The following SMARCA4 variants were observed in gnomAD, a reference collection of about 807,000 sequenced individuals.
SMARCA4 encodes the protein SWI/SNF-related matrix-associated actin-dependent regulator of chromatin subfamily A member 4.
SMARCA4 carries 31 observed loss-of-function variants against 193.9 expected under a neutral mutation model. The ratio of observed to expected loss-of-function variants is 0.16; its 90% CI spans 0.12 to 0.22. The LOEUF is 0.22. SMARCA4 is among the 10% of genes least tolerant of loss of function. The probability of loss-of-function intolerance (pLI) is 1.00; values close to 1 mark genes in which losing one functional copy is unlikely to be tolerated. For missense variants in SMARCA4, 1,148 were observed against 2,296.0 expected, an observed-to-expected ratio of 0.50 and a Z score of 10.22; for synonymous variants, 942 against 933.1, an observed-to-expected ratio of 1.01 and a Z score of -0.17.
rs2089598362 is a variant in SMARCA4 at position 11,018,730 on chromosome 19, C to T, written c.2439-227C>T. ...ACTTCTCACTCTAAAGGGCCTTGCC[C>T]TCTTTTCCCAGTGGCCTCCCTTCTG... On this transcript the variant is annotated intron_variant, in intron 16 of 34. Transcript: ENST00000344626. The T allele has an allele frequency of 6.2e-6, 4 of 642,112 alleles. No individual in the cohort carries two copies. In the Admixed American group the frequency reaches 6.6e-5, roughly 11 times the overall value. The allele number at this position is 642,112 out of a possible 1,614,324, so 39.8% of individuals were successfully genotyped here.
In SMARCA4 at chr19:11,035,018, G is replaced by C. The variant is rs765686829; in HGVS notation, c.4056G>C (p.Ala1352=). The C allele has an allele frequency of 6.2e-7, 1 of 1,612,540 alleles. No individual in the cohort carries two copies. The highest frequency in any genetic ancestry group is 8.5e-7 in the Non-Finnish European group (1 of 1,179,700). ...CCTCGTGGATCATCAAGGACGACGC[G>C]GAGGTGGAGCGGCTGACCTGTGAGG... The part of the protein sequence containing the change: ...ELPSWIIKDD[A]EVERLTCEEE... Residue 1352 remains alanine, a synonymous_variant, in exon 29 of 35, where the codon GCG becomes GCC. Transcript: ENST00000344626.
chr19:10,962,332 A>G (rs575439346), intron 1 of SMARCA4, among the ~76,000 whole-genome samples: 79 of 152,042 alleles, frequency 5.2e-4, no homozygotes, highest in African/African-American at 1.9e-3. Flanking sequence ...GGCCCTACTA[A>G]GTGTTGGATG....
chr19:11,015,548 A>G (rs1294723068), intron 16 of SMARCA4, among the ~76,000 whole-genome samples: 3 of 152,126 alleles, frequency 2.0e-5, no homozygotes, highest in Non-Finnish European at 2.9e-5. Flanking sequence ...TGGGTTTCCC[A>G]CTGTAAACCT....
intron 8 of SMARCA4, among the ~76,000 whole-genome samples, chr19:10,992,488 G>C (rs1043709271): frequency 7.0e-6 from 1 of 143,268 alleles, no homozygotes; most frequent in Non-Finnish European, 1.5e-5. Context: ...GCAATGGCAC[G>C]ATCTTGGCTC....
At chr19:11,007,506 A>G (rs1478158286) in intron 13 of SMARCA4, among the ~76,000 whole-genome samples, 2 of 149,154 alleles carry the variant, frequency 1.3e-5, no homozygotes, top group African/African-American at 4.9e-5. Context: ...TGAGAGGCTG[A>G]GGCGAGAGGA....
chr19:10,981,957 C>A (rs2085585272), intron 1 of SMARCA4, among the ~76,000 whole-genome samples: 1 of 152,122 alleles, frequency 6.6e-6, no homozygotes, highest in Admixed American at 6.6e-5. Context: ...CACTGCACTC[C>A]AGCTTGGGTG....
chr19:11,025,622 A>G (rs2090196299), intron 22 of SMARCA4, 114 bp downstream of exon 22: 1 of 776,410 alleles, frequency 1.3e-6, no homozygotes, highest in Non-Finnish European at 2.3e-6. Flanking sequence ...TTCATTAGGT[A>G]ATGCCTGTAC....
intron 34 of SMARCA4, 177 bp downstream of exon 34, chr19:11,060,364 C>T: frequency 1.3e-6 from 1 of 768,946 alleles, no homozygotes; most frequent in Non-Finnish European, 2.2e-6. Flanking sequence ...GCAGGGCTGC[C>T]ACTCAAAGCC....
chr19:11,032,134 AGGGCTGG>A (rs1600377964), intron 25 of SMARCA4: 1 of 152,464 alleles, frequency 6.6e-6, no homozygotes, highest in Non-Finnish European at 1.5e-5. Context: ...GCTGCACCTC[AGGGCTGG>A]GGGCGCGTTG....
At chr19:11,053,198 AC>A (rs1384528424) in intron 30 of SMARCA4, among the ~76,000 whole-genome samples, 1 of 151,968 alleles carries the variant, frequency 6.6e-6, no homozygotes, top group Non-Finnish European at 1.5e-5. Context: ...GTCAGGAGTT[AC>A]AAAAAACGGA....
intron 21 of SMARCA4, 26 bp downstream of exon 21, chr19:11,024,464 A>G: frequency 6.8e-7 from 1 of 1,463,924 alleles, no homozygotes; most frequent in Non-Finnish European, 9.6e-7. Context: ...CCCCAACTGC[A>G]TTCCCCACTG....
rs1319047096 is a variant in SMARCA4 at position 10,989,371 on chromosome 19, C to T, written c.1173C>T (p.Ser391=). The T allele has an allele frequency of 1.2e-6, 2 of 1,614,144 alleles. No homozygotes were observed. Among genetic ancestry groups the T allele is most frequent in the Non-Finnish European group, 1.7e-6 (2 of 1,179,988 alleles). ...AGGAACTTGAAAACCTTCCCGGGTC[C>T]CTGGCCGGGGATTTGCGAACCAAAG... is the stretch of plus-strand genomic sequence containing the variant. ...RIQELENLPG[S]LAGDLRTKAT... The change falls in exon 7 of 35, where the codon TCC becomes TCT. Residue 391 remains serine (S), a synonymous_variant. Coordinates refer to ENST00000344626, the MANE Select transcript of SMARCA4 (RefSeq NM_003072.5).
intron 21 of SMARCA4, among the ~76,000 whole-genome samples, chr19:11,025,011 A>G (rs1170871488): frequency 1.5e-5 from 1 of 68,934 alleles, no homozygotes; most frequent in Admixed American, 2.1e-4. Context: ...CTCCTTCCTC[A>G]TCCTGGAGCC....
intron 30 of SMARCA4, among the ~76,000 whole-genome samples, chr19:11,046,912 C>T (rs1338971953): frequency 2.1e-5 from 3 of 144,948 alleles, no homozygotes; most frequent in Non-Finnish European, 3.0e-5. Flanking sequence ...CACATCACTG[C>T]ACTCCACCAT....
In SMARCA4 at chr19:10,984,123, GGAGGCCACTGTCTGCAGCTCCCGT is replaced by G. The variant is rs767654114; in HGVS notation, c.-26_-3del. 1 of 1,613,508 alleles carries G rather than the reference GGAGGCCACTGTCTGCAGCTCCCGT, an allele frequency of 6.2e-7. No individual in the cohort carries two copies. The highest frequency in any genetic ancestry group is 8.5e-7 in the Non-Finnish European group (1 of 1,179,880). On this transcript the variant is annotated 5_prime_UTR_variant, in exon 2 of 35. Transcript: ENST00000344626. This position sits in a 1 kb window ranked among gnomAD's most constrained non-coding sequence, Gnocchi z 4.3. ...GACTGACCAGGACTGTCTTCCAGCA[GGAGGCCACTGTCTGCAGCTCCCGT>G]GAAGATGTCCACTCCAGACCCACCC...
At chr19:11,000,099 C>T (rs909173516) in intron 11 of SMARCA4, among the ~76,000 whole-genome samples, 7 of 151,944 alleles carry the variant, frequency 4.6e-5, no homozygotes, top group Non-Finnish European at 7.4e-5. Flanking sequence ...TGGGGGCACA[C>T]GCCTGTGGTC....
rs575944490 is a variant in SMARCA4, at chr19:11,039,101, C to T, written c.4171-2206C>T. ...GGCACAGTGACACATGCCTGTAATC[C>T]CAAGCACTTTGGGAGGCCGAGGTGG... On this transcript the variant is annotated intron_variant, in intron 29 of 34. Coordinates refer to ENST00000344626, the MANE Select transcript of SMARCA4 (RefSeq NM_003072.5). Among the ~76,000 whole-genome samples, 3 of 152,190 alleles carry T rather than the reference C, an allele frequency of 2.0e-5. No homozygotes were observed. The South Asian group carries it at 6.2e-4, about 32-fold the overall frequency.
chr19:11,059,653 C>T (rs2147109010), intron 32 of SMARCA4, 100 bp from the exon 33 acceptor site: 1 of 1,357,810 alleles, frequency 7.4e-7, no homozygotes, highest in Admixed American at 2.0e-5. Flanking sequence ...GATCAGCTGT[C>T]CAGGGGCAAC....
At chr19:10,969,741 T>G (rs2084529071) in intron 1 of SMARCA4, among the ~76,000 whole-genome samples, 1 of 152,160 alleles carries the variant, frequency 6.6e-6, no homozygotes, top group African/African-American at 2.4e-5. Flanking sequence ...CCTTTTTATG[T>G]TTCTAACAGC....
Sources: gnomAD v4.1 joint callset for allele counts (sites outside exome capture counted in the v4.1 genomes callset) on GRCh38, gnomAD v4.1.1 for gene constraint, Gnocchi (gnomAD v3.1) non-coding constraint, MANE v1.5 for transcripts, NCBI Gene and HGNC (gene_info 2026-07-23, HGNC 2026-07-21) for gene names.